NUDCD2: variants seen among roughly 807,000 people sequenced by gnomAD.
The protein encoded by NUDCD2 is nudC domain-containing protein 2.
Under a neutral mutation model 20.8 loss-of-function variants are expected in NUDCD2, and 16 were observed. The ratio of observed to expected loss-of-function variants is 0.77; its 90% CI spans 0.52 to 1.17. The LOEUF (loss-of-function observed/expected upper bound fraction) is 1.17, where lower values mean the gene tolerates loss of function less well. Ranked by LOEUF, NUDCD2 falls within the 50% of genes most tolerant of loss-of-function variation. The pLI is 0.00. For missense variants in NUDCD2, 199 were observed against 193.9 expected (o/e 1.03, Z -0.16); for synonymous variants, 87 against 72.8 (o/e 1.20, Z -1.00).
chr5:163,458,402 T>C (rs1354424835), intron 1 of NUDCD2, among the ~76,000 whole-genome samples: 1 of 152,122 alleles, frequency 6.6e-6, no homozygotes, highest in Non-Finnish European at 1.5e-5. Context: ...GTTCACAAAC[T>C]CATGTTTTTT....
At chr5:163,454,120 T>C (rs1581177949) in intron 3 of NUDCD2, 70 bp from the exon 4 acceptor site, 2 of 748,260 alleles carry the variant, frequency 2.7e-6, no homozygotes, top group East Asian at 6.1e-5. Context: ...AACTGGCAAT[T>C]GATAAAAAAG....
rs1256117386 is a variant in NUDCD2 at position 163,460,089 on chromosome 5, C to A, written c.-39G>T. On this transcript the variant is annotated 5_prime_UTR_variant, in exon 1 of 4. Transcript: ENST00000302764. ...CCGGCCGCGGCCGCACCAGGCGGAG[C>A]CGAGCGCACGCGCGGAATCCCACGC... The A allele has an allele frequency of 4.7e-6, 7 of 1,502,376 alleles. No individual in the cohort carries two copies. The highest frequency in any genetic ancestry group is 1.4e-5 in the African/African-American group (1 of 70,610). The allele number at this position is 1,502,376 out of a possible 1,614,324, so 93.1% of individuals were successfully genotyped here.
At chr5:163,458,726 G>GA (rs1220308864) in intron 1 of NUDCD2, among the ~76,000 whole-genome samples, 5 of 152,092 alleles carry the variant, frequency 3.3e-5, no homozygotes, top group East Asian at 1.9e-4. Context: ...AAATTAGTGA[G>GA]AAAAAAATCC....
At chr5:163,457,457 C>A in intron 2 of NUDCD2, 105 bp downstream of exon 2, 1 of 748,856 alleles carries the variant, frequency 1.3e-6, no homozygotes. Context: ...ATTTCTATTG[C>A]TTTATCTTTC....
Position 163,457,628 on chromosome 5 carries a change from A to G in NUDCD2, c.190-18T>C, listed in dbSNP as rs755500105. On this transcript the variant is annotated intron_variant, in intron 1 of 3. Transcript: ENST00000302764. ...AGTTTGCCCTGAAAAATAAACATATAAGGTGCTAAAAATACAGAATTTAAT... is the reference window on the plus strand; with the variant it reads ...AGTTTGCCCTGAAAAATAAACATATGAGGTGCTAAAAATACAGAATTTAAT... 9 of 1,495,856 alleles carry G rather than the reference A, an allele frequency of 6.0e-6. No individual in the cohort carries two copies. The South Asian group carries it at 1.0e-4, about 17-fold the overall frequency. 92.7% of individuals were successfully genotyped at this position (1,495,856 alleles called of 1,614,324 possible). A position where few individuals can be genotyped will look rare whatever the true frequency, so the allele number is the denominator to read the frequency against.
Position 163,457,613 on chromosome 5 carries a change from GA to G in NUDCD2, c.190-4del. On this transcript the variant is annotated splice_polypyrimidine_tract_variant and splice_region_variant and intron_variant, in intron 1 of 3. Transcript: ENST00000302764. ...ATTGTAGAATCAAAGAGTTTGCCCT[GA>G]AAAATAAACATATAAGGTGCTAAAA... The G allele has an allele frequency of 6.3e-7, 1 of 1,576,604 alleles. No individual in the cohort carries two copies. The highest frequency in any genetic ancestry group is 8.7e-7 in the Non-Finnish European group (1 of 1,146,984).
At chr5:163,457,800 T>C (rs569472094) in intron 1 of NUDCD2, among the ~76,000 whole-genome samples, 190 bp from the exon 2 acceptor site, 8 of 152,196 alleles carry the variant, frequency 5.3e-5, no homozygotes, top group African/African-American at 1.7e-4. Flanking sequence ...CTGCAAGGGA[T>C]ATTTACTATG....
In NUDCD2 at chr5:163,447,753, A is replaced by G. The variant is rs1009225962; in HGVS notation, c.*6214T>C. The G allele has an allele frequency of 6.6e-6, 1 of 152,208 alleles. No homozygotes were observed. Among genetic ancestry groups the G allele is most frequent in the South Asian group, 2.1e-4 (1 of 4,834 alleles). The allele number at this position is 152,208 out of a possible 1,614,324, so 9.4% of individuals were successfully genotyped here. A position where few individuals can be genotyped will look rare whatever the true frequency, so the allele number is the denominator to read the frequency against. ...TAAAAGAGATGAAATCATATAAAAT[A>G]TGTTTTTTGACCATAATCTAGAAAT... On this transcript the variant is annotated 3_prime_UTR_variant, in exon 4 of 4. Coordinates refer to ENST00000302764, the MANE Select transcript of NUDCD2 (RefSeq NM_145266.6).
At chr5:163,455,421 A>G (rs1296076013) in intron 3 of NUDCD2, among the ~76,000 whole-genome samples, 1 of 152,228 alleles carries the variant, frequency 6.6e-6, no homozygotes, top group Non-Finnish European at 1.5e-5. Context: ...CCGAGAAATG[A>G]CTTGCAGAGT....
Position 163,449,281 on chromosome 5 carries a change from TA to T in NUDCD2, c.*4685del, listed in dbSNP as rs553862049. On this transcript the variant is annotated 3_prime_UTR_variant, in exon 4 of 4. Coordinates refer to ENST00000302764, the MANE Select transcript of NUDCD2 (RefSeq NM_145266.6). ...TTAACAACAAAATAACTCCCAAAAC[TA>T]ATGAAGTTTAGCAAGGTCACAGGAT... 7 of 150,670 alleles carry T rather than the reference TA, an allele frequency of 4.6e-5. No homozygotes were observed. In the East Asian group the frequency reaches 1.5e-3, roughly 32 times the overall value. 9.3% of individuals were successfully genotyped at this position (150,670 alleles called of 1,614,324 possible).
Position 163,447,346 on chromosome 5 carries a change from G to A in NUDCD2, c.*6621C>T, listed in dbSNP as rs1758061083. 1 of 151,878 alleles carries A rather than the reference G, an allele frequency of 6.6e-6. No individual in the cohort carries two copies. The highest frequency in any genetic ancestry group is 2.4e-5 in the African/African-American group (1 of 41,336). The allele number at this position is 151,878 out of a possible 1,614,324, so 9.4% of individuals were successfully genotyped here. ...TACATCTGTAGTCCTAGGTACTGAG[G>A]AGCCTGAGGTGGGAAGACTGTCTGA... On this transcript the variant is annotated 3_prime_UTR_variant, in exon 4 of 4. Coordinates refer to ENST00000302764, the MANE Select transcript of NUDCD2 (RefSeq NM_145266.6).
Position 163,460,041 on chromosome 5 carries a change from G to A in NUDCD2, c.10C>T (p.Pro4Ser). The A allele has an allele frequency of 1.3e-6, 2 of 1,589,346 alleles. No individual in the cohort carries two copies. Among genetic ancestry groups the A allele is most frequent in the Non-Finnish European group, 1.7e-6 (2 of 1,169,498 alleles). Residue 4 changes from proline to serine, a missense_variant, in exon 1 of 4, where the codon CCG becomes TCG. By Grantham distance (74) the Pro-to-Ser change is moderately conservative. Transcript: ENST00000302764. ...ACCACCCCACTCCGCTCCTCAAACGGGGCCGACATAATCCAGTCCCTCCCG... is the reference window on the plus strand; with the variant it reads ...ACCACCCCACTCCGCTCCTCAAACGAGGCCGACATAATCCAGTCCCTCCCG... The part of the protein sequence containing the change: MSA[P>S]FEERSGVVPC...
At position 163,449,138 on chromosome 5, in the gene NUDCD2, C is replaced by T. The variant is rs1466394358; in HGVS notation, c.*4829G>A. 2.0e-5 allele frequency: 3 copies of T among 151,698 alleles called. No homozygotes were observed. Among genetic ancestry groups the T allele is most frequent in the Admixed American group, 1.3e-4 (2 of 15,224 alleles). The allele number at this position is 151,698 out of a possible 1,614,324, so 9.4% of individuals were successfully genotyped here. On this transcript the variant is annotated 3_prime_UTR_variant, in exon 4 of 4. Transcript: ENST00000302764. ...AGAATAAAATAAAACTGTTCCTATT[C>T]GTAGTTTATGTAGAAAACTTAATGA...
Position 163,457,028 on chromosome 5 carries a change from T to C in NUDCD2, c.291A>G (p.Ala97=), listed in dbSNP as rs1758331853. Residue 97 remains alanine (A), a synonymous_variant, in exon 3 of 4, where the codon GCA becomes GCG. Transcript: ENST00000302764. ...IVLTKTKRDA[A]NCWTSLLESE... is the part of the protein sequence containing the mutation. ...ATTCTAGTAGAGAAGTCCAACAATTTGCTGCATCTCTCTTTGTCTTTGTAA... is the reference window on the plus strand; with the variant it reads ...ATTCTAGTAGAGAAGTCCAACAATTCGCTGCATCTCTCTTTGTCTTTGTAA... The C allele has an allele frequency of 6.2e-7, 1 of 1,613,554 alleles. No homozygotes were observed. The highest frequency in any genetic ancestry group is 1.1e-5 in the South Asian group (1 of 90,988).
Position 163,448,144 on chromosome 5 carries a change from G to C in NUDCD2, c.*5823C>G, listed in dbSNP as rs1418498985. 1 of 150,196 alleles carries C rather than the reference G, an allele frequency of 6.7e-6. No homozygotes were observed. Among genetic ancestry groups the C allele is most frequent in the Non-Finnish European group, 1.5e-5 (1 of 67,810 alleles). The allele number at this position is 150,196 out of a possible 1,614,324, so 9.3% of individuals were successfully genotyped here. A position where few individuals can be genotyped will look rare whatever the true frequency, so the allele number is the denominator to read the frequency against. The stretch of plus-strand genomic sequence containing the variant: ...ACTACTCCAGTCTGGGTGATGAAGT[G>C]AGACCTGTCTACAAAAAAAAGAAGC... On this transcript the variant is annotated 3_prime_UTR_variant, in exon 4 of 4. Coordinates refer to ENST00000302764, the MANE Select transcript of NUDCD2 (RefSeq NM_145266.6).
intron 1 of NUDCD2, among the ~76,000 whole-genome samples, chr5:163,457,979 CTTTTTTTTTTTTTTTT>C (rs540496894): frequency 1.6e-4 from 12 of 73,716 alleles, no homozygotes; most frequent in African/African-American, 7.1e-4. Flanking sequence ...AAAATGTTGT[CTTTTTTTTTTTTTTTT>C]TTTTTTTTTT....
rs909104524 is a variant in NUDCD2 at position 163,448,773 on chromosome 5, A to T, written c.*5194T>A. ...TACATAAGCTGAATAATGTACCATG[A>T]CCAAGTTTGGGGTTGGGAGGAAATA... On this transcript the variant is annotated 3_prime_UTR_variant, in exon 4 of 4. Transcript: ENST00000302764. 3 of 152,250 alleles carry T rather than the reference A, an allele frequency of 2.0e-5. No homozygotes were observed. Among genetic ancestry groups the T allele is most frequent in the African/African-American group, 7.2e-5 (3 of 41,472 alleles). 9.4% of individuals were successfully genotyped at this position (152,250 alleles called of 1,614,324 possible).
rs552092813 is a variant in NUDCD2, at chr5:163,451,282, A to G, written c.*2685T>C. The G allele has an allele frequency of 6.6e-6, 1 of 152,332 alleles. No homozygotes were observed. The highest frequency in any genetic ancestry group is 6.5e-5 in the Admixed American group (1 of 15,290). 9.4% of individuals were successfully genotyped at this position (152,332 alleles called of 1,614,324 possible). On this transcript the variant is annotated 3_prime_UTR_variant, in exon 4 of 4. Transcript: ENST00000302764. ...AATGGGTGAAATGTATGTTGTTACA[A>G]TAAAGCGTTTTTCTTAATTATATAT...
In NUDCD2 at chr5:163,457,089, AAAAC is replaced by A; in HGVS notation, c.239-13_239-10del. On this transcript the variant is annotated splice_polypyrimidine_tract_variant and intron_variant, in intron 2 of 3. Transcript: ENST00000302764. ...AACCATTTTTCTGTCCTCTAAAAAAAAAACACACACACACACACGCACAAATAAA... is the reference window on the plus strand; with the variant it reads ...AACCATTTTTCTGTCCTCTAAAAAAAACACACACACACACGCACAAATAAA... 1 of 1,589,298 alleles carries A rather than the reference AAAAC, an allele frequency of 6.3e-7. No homozygotes were observed.
Sources: allele counts gnomAD v4.1 joint callset (sites outside exome capture counted in the v4.1 genomes callset), GRCh38; gene constraint gnomAD v4.1.1; transcripts MANE v1.5; gene names NCBI Gene and HGNC (gene_info 2026-07-23, HGNC 2026-07-21).